The following CTNNA3 variants were observed in gnomAD, a reference collection of about 807,000 sequenced individuals.
The protein encoded by CTNNA3 is catenin alpha-3.
In CTNNA3, 76 loss-of-function variants were observed where a neutral mutation model predicts 95.7. The observed-to-expected ratio is 0.79, with a 90% CI of 0.66 to 0.96. The LOEUF is 0.96. CTNNA3 is among the 40% of genes least tolerant of loss of function. CTNNA3 has a pLI of 0.00. For missense variants in CTNNA3, 1,191 were observed against 1,089.8 expected, an observed-to-expected ratio of 1.09 and a Z score of -1.31; for synonymous variants, 431 against 374.4, an observed-to-expected ratio of 1.15 and a Z score of -1.74.
intron 9 of CTNNA3, among the ~76,000 whole-genome samples, chr10:66,724,387 C>T (rs1047319245): frequency 6.6e-6 from 1 of 152,140 alleles, no homozygotes; most frequent in Non-Finnish European, 1.5e-5. Context: ...GGTTGTGCAT[C>T]TTTATGCCCA....
chr10:66,528,089 A>ACATT (rs1257799661), intron 10 of CTNNA3, among the ~76,000 whole-genome samples: 4 of 152,080 alleles, frequency 2.6e-5, no homozygotes, highest in African/African-American at 9.7e-5. Context: ...TATTCCAAGG[A>ACATT]CATTCCCTGC....
chr10:66,922,106 C>T (rs1338460786), intron 7 of CTNNA3, among the ~76,000 whole-genome samples: 1 of 152,036 alleles, frequency 6.6e-6, no homozygotes, highest in Non-Finnish European at 1.5e-5. Context: ...TATTTGAAGT[C>T]CTATAAGCAC....
intron 7 of CTNNA3, among the ~76,000 whole-genome samples, chr10:66,891,710 A>G (rs1415692781): frequency 6.6e-6 from 1 of 152,194 alleles, no homozygotes; most frequent in African/African-American, 2.4e-5. Flanking sequence ...GAAACGAGAG[A>G]ATGAGAGAGA....
At chr10:67,050,756 C>T (rs1477062097) in intron 7 of CTNNA3, among the ~76,000 whole-genome samples, 2 of 152,150 alleles carry the variant, frequency 1.3e-5, no homozygotes, top group Non-Finnish European at 2.9e-5. Context: ...TTATTTACTT[C>T]GATTTGTAGC....
intron 7 of CTNNA3, among the ~76,000 whole-genome samples, chr10:67,057,625 C>G (rs1855518218): frequency 6.6e-6 from 1 of 152,076 alleles, no homozygotes; most frequent in Admixed American, 6.6e-5. Context: ...AGAATACTGA[C>G]CCAGCAACAC....
At chr10:66,480,611 ATTTT>A (rs756877325) in intron 11 of CTNNA3, among the ~76,000 whole-genome samples, 1 of 149,716 alleles carries the variant, frequency 6.7e-6, no homozygotes, top group African/African-American at 2.5e-5. Flanking sequence ...TTATTTATTT[ATTTT>A]TTTTTTTGAG....
chr10:67,037,464 C>A (rs905669966), intron 7 of CTNNA3, among the ~76,000 whole-genome samples: 1 of 151,646 alleles, frequency 6.6e-6, no homozygotes, highest in African/African-American at 2.4e-5. Context: ...ATTAAAATTT[C>A]TTTTCTTTAG....
chr10:67,251,411 C>G (rs920107544), intron 5 of CTNNA3, among the ~76,000 whole-genome samples: 2 of 152,104 alleles, frequency 1.3e-5, no homozygotes, highest in Non-Finnish European at 2.9e-5. Flanking sequence ...TATTGATTGT[C>G]ATACATCTCT....
intron 7 of CTNNA3, among the ~76,000 whole-genome samples, chr10:67,052,986 A>G (rs558784925): frequency 6.6e-6 from 1 of 152,336 alleles, no homozygotes; most frequent in East Asian, 1.9e-4. Context: ...TACACTGACT[A>G]TGTGTTTCAG....
Position 66,585,833 on chromosome 10 carries a change from A to C in CTNNA3, c.1374+35859T>G, listed in dbSNP as rs769385916. Among the ~76,000 whole-genome samples, 26 of 152,060 alleles carry C rather than the reference A, an allele frequency of 1.7e-4. 1 individual carries two copies. Among genetic ancestry groups the C allele is most frequent in the Admixed American group, 1.4e-3 (22 of 15,256 alleles). ...TTTTTGAGTTGTCATAGAACAACTC[A>C]AATGTTTTTTATGTTTCCAGAATTG... On this transcript the variant is annotated intron_variant, in intron 10 of 17. Transcript: ENST00000433211.
At chr10:66,522,175 A>G (rs1390429406) in intron 10 of CTNNA3, among the ~76,000 whole-genome samples, 1 of 152,144 alleles carries the variant, frequency 6.6e-6, no homozygotes, top group Non-Finnish European at 1.5e-5. Context: ...TCTCTTGTTA[A>G]AATAAGTTAT....
chr10:67,700,337 A>G (rs1414140126), upstream of CTNNA3, among the ~76,000 whole-genome samples: 1 of 152,100 alleles, frequency 6.6e-6, no homozygotes, highest in Non-Finnish European at 1.5e-5. Flanking sequence ...TGGGTCCCTG[A>G]CCCCTTGACC....
At chr10:66,696,507 T>A (rs1847769685) in intron 9 of CTNNA3, among the ~76,000 whole-genome samples, 1 of 152,180 alleles carries the variant, frequency 6.6e-6, no homozygotes, top group African/African-American at 2.4e-5. Flanking sequence ...TTCTCCCAAC[T>A]GTTAGATTAT....
chr10:67,276,377 G>T (rs1034678079), intron 5 of CTNNA3, among the ~76,000 whole-genome samples: 1 of 152,068 alleles, frequency 6.6e-6, no homozygotes, highest in Non-Finnish European at 1.5e-5. Context: ...TATACTTATT[G>T]CTGCCTTTCT....
chr10:67,446,516 C>T (rs1040727369), intron 5 of CTNNA3, among the ~76,000 whole-genome samples: 1 of 152,114 alleles, frequency 6.6e-6, no homozygotes, highest in Non-Finnish European at 1.5e-5. Flanking sequence ...AGGACAAATA[C>T]AAAATTTTTA....
chr10:66,187,354 G>C (rs2086399973), intron 13 of CTNNA3, among the ~76,000 whole-genome samples: 1 of 150,900 alleles, frequency 6.6e-6, no homozygotes, highest in Non-Finnish European at 1.5e-5. Flanking sequence ...GGAAAAGCTA[G>C]GAATGAGTTA....
In CTNNA3 at chr10:67,323,658, A is replaced by T. The variant is rs1280507059; in HGVS notation, c.580-103788T>A. ...TGAAGTCAGGGAGCGTGATGCTTCC[A>T]GCTTTGTTCTTTCTGCTTAGGATGG... On this transcript the variant is annotated intron_variant, in intron 5 of 17. Coordinates refer to ENST00000433211, the MANE Select transcript of CTNNA3 (RefSeq NM_013266.4). Among the ~76,000 whole-genome samples, 4 of 152,156 alleles carry T rather than the reference A, an allele frequency of 2.6e-5. No homozygotes were observed. The East Asian group carries it at 7.7e-4, about 29-fold the overall frequency.
intron 7 of CTNNA3, among the ~76,000 whole-genome samples, chr10:66,942,329 G>C (rs530096600): frequency 6.6e-6 from 1 of 152,120 alleles, no homozygotes; most frequent in East Asian, 1.9e-4. Context: ...ACCTGAAAAG[G>C]ATCTACCAGC....
At chr10:66,017,337 T>C (rs182178110) in intron 15 of CTNNA3, among the ~76,000 whole-genome samples, 3 of 152,230 alleles carry the variant, frequency 2.0e-5, no homozygotes, top group African/African-American at 7.2e-5. Context: ...ATTATTGACT[T>C]AGCTCTGACC....
Sources: allele counts gnomAD v4.1 joint callset (sites outside exome capture counted in the v4.1 genomes callset), GRCh38; gene constraint gnomAD v4.1.1; transcripts MANE v1.5; gene names NCBI Gene and HGNC (gene_info 2026-07-23, HGNC 2026-07-21).